C3orf20: variants seen among roughly 807,000 people sequenced by gnomAD.
C3orf20 encodes the protein uncharacterized protein C3orf20.
C3orf20 carries 76 observed loss-of-function variants against 88.3 expected under a neutral mutation model. That is an observed-to-expected ratio of 0.86 (90% confidence interval 0.72 to 1.04). The LOEUF (loss-of-function observed/expected upper bound fraction) is 1.04, where lower values mean the gene tolerates loss of function less well. Ranked by LOEUF, C3orf20 falls within the 50% of genes least tolerant of loss-of-function variation. The probability of loss-of-function intolerance (pLI) is 0.00; values close to 1 mark genes in which losing one functional copy is unlikely to be tolerated. For missense variants in C3orf20, 1,056 were observed against 1,123.3 expected (o/e 0.94, Z 0.86); for synonymous variants, 436 against 437.4 (o/e 1.00, Z 0.04).
rs56242160 is a variant in C3orf20 at position 14,756,028 on chromosome 3, C to CA, written c.1941-1324dup. On this transcript the variant is annotated intron_variant, in intron 12 of 16. Transcript: ENST00000253697. ...TGGGTGACAGAGCGAGACTCCATCT[C>CA]AAAAAAAAAAAAAAAAAAAGAAAAA... Among the ~76,000 whole-genome samples the CA allele has an allele frequency of 2.3e-3, 170 of 72,652 alleles. 1 individual carries two copies. The highest frequency in any genetic ancestry group is 2.4e-3 in the East Asian group (6 of 2,496). 47.7% of individuals were successfully genotyped at this position (72,652 alleles called of 152,430 possible).
intron 12 of C3orf20, among the ~76,000 whole-genome samples, chr3:14,739,775 G>T (rs887101983): frequency 9.9e-5 from 15 of 152,196 alleles, no homozygotes; most frequent in Non-Finnish European, 2.1e-4. Flanking sequence ...TTCTTAATCA[G>T]CACTTGCTGC....
At chr3:14,733,265 A>G (rs2034597641) in intron 12 of C3orf20, among the ~76,000 whole-genome samples, 1 of 152,160 alleles carries the variant, frequency 6.6e-6, no homozygotes, top group Non-Finnish European at 1.5e-5. Context: ...GGTGAATTAT[A>G]TAGATATTAA....
Position 14,690,079 on chromosome 3 carries a change from T to C in C3orf20, c.708T>C (p.Phe236=), listed in dbSNP as rs115653711. The change falls in exon 5 of 17, where the codon TTT becomes TTC. Residue 236 remains phenylalanine (F), a synonymous_variant. Coordinates refer to ENST00000253697, the MANE Select transcript of C3orf20 (RefSeq NM_032137.5). The part of the protein sequence containing the change: ...IYHSSTACLS[F]SLSAGKEAKK... Reference sequence around the variant, plus strand: ...ACTCTTCCACAGCCTGTCTGAGCTTTTCTCTCTCTGCTGGAAAAGAAGCCA... The same window carrying C: ...ACTCTTCCACAGCCTGTCTGAGCTTCTCTCTCTCTGCTGGAAAAGAAGCCA... The C allele has an allele frequency of 1.9e-4, 302 of 1,614,234 alleles. 1 individual carries two copies. The African/African-American group carries it at 3.7e-3, about 20-fold the overall frequency.
At chr3:14,761,385 A>T in intron 14 of C3orf20, 88 bp from the exon 15 acceptor site, 2 of 1,484,908 alleles carry the variant, frequency 1.3e-6, no homozygotes, top group Non-Finnish European at 1.9e-6. Context: ...GCGCTGTTCT[A>T]GTGAAATTCC....
chr3:14,712,485 C>T (rs2033790430), intron 7 of C3orf20, among the ~76,000 whole-genome samples: 1 of 152,166 alleles, frequency 6.6e-6, no homozygotes, highest in Admixed American at 6.5e-5. Context: ...CTGTGTATTA[C>T]AGTTAACACA....
chr3:14,702,805 A>G (rs887300901), intron 5 of C3orf20, among the ~76,000 whole-genome samples: 25 of 152,154 alleles, frequency 1.6e-4, no homozygotes, highest in African/African-American at 4.6e-4. Context: ...AACTCATTTC[A>G]CCATTAACCC....
intron 1 of C3orf20, among the ~76,000 whole-genome samples, chr3:14,681,080 G>A (rs892602318): frequency 6.6e-6 from 1 of 152,256 alleles, no homozygotes; most frequent in Non-Finnish European, 1.5e-5. Context: ...ATGGACAGAG[G>A]CAGGTCAGAG....
At chr3:14,699,150 T>G (rs2033138558) in intron 5 of C3orf20, among the ~76,000 whole-genome samples, 1 of 152,124 alleles carries the variant, frequency 6.6e-6, no homozygotes, top group African/African-American at 2.4e-5. Context: ...TTCAGGGCAG[T>G]GGGCTCCCCT....
chr3:14,769,057 C>T (rs1279962827), intron 15 of C3orf20, among the ~76,000 whole-genome samples: 2 of 152,088 alleles, frequency 1.3e-5, no homozygotes, highest in African/African-American at 4.8e-5. Flanking sequence ...TTCGTTCATT[C>T]ACTCACTCAT....
At chr3:14,686,486 G>C (rs1424064187) in intron 4 of C3orf20, among the ~76,000 whole-genome samples, 1 of 152,138 alleles carries the variant, frequency 6.6e-6, no homozygotes, top group African/African-American at 2.4e-5. Flanking sequence ...CCACACTGTT[G>C]CCAGCACTTG....
At chr3:14,695,391 G>T (rs1292516281) in intron 5 of C3orf20, among the ~76,000 whole-genome samples, 1 of 151,722 alleles carries the variant, frequency 6.6e-6, no homozygotes, top group Non-Finnish European at 1.5e-5. Flanking sequence ...AATGTTTTAA[G>T]ACTTGTTTTG....
chr3:14,704,750 A>G (rs959002561), intron 7 of C3orf20, 132 bp downstream of exon 7: 1 of 1,086,980 alleles, frequency 9.2e-7, no homozygotes, highest in East Asian at 2.4e-5. Context: ...TCTCCTGGGT[A>G]TTAAGAGCTT....
At chr3:14,746,972 A>G (rs1372273091) in intron 12 of C3orf20, among the ~76,000 whole-genome samples, 1 of 152,226 alleles carries the variant, frequency 6.6e-6, no homozygotes, top group African/African-American at 2.4e-5. Flanking sequence ...TAAACAAATC[A>G]AAGGACAATG....
intron 3 of C3orf20, 131 bp from the exon 4 acceptor site, chr3:14,684,111 C>G: frequency 8.0e-7 from 1 of 1,252,966 alleles, no homozygotes; most frequent in East Asian, 2.4e-5. Context: ...CAGTAGCCCC[C>G]TCACCCCTGC....
intron 5 of C3orf20, among the ~76,000 whole-genome samples, chr3:14,694,173 T>C (rs1032756801): frequency 6.6e-6 from 1 of 152,200 alleles, no homozygotes; most frequent in Non-Finnish European, 1.5e-5. Context: ...TGTGTCTTTG[T>C]CTGGTTTTGG....
intron 1 of C3orf20, among the ~76,000 whole-genome samples, chr3:14,678,963 A>G (rs1298125673): frequency 6.6e-6 from 1 of 152,208 alleles, no homozygotes; most frequent in Non-Finnish European, 1.5e-5. Flanking sequence ...TCCCAGTTTC[A>G]TCTGCTGCTC....
At chr3:14,738,204 G>A (rs2034781297) in intron 12 of C3orf20, among the ~76,000 whole-genome samples, 1 of 121,040 alleles carries the variant, frequency 8.3e-6, no homozygotes, top group South Asian at 2.6e-4. Context: ...GTCTCACTCT[G>A]TCACCCAGGC....
At chr3:14,748,114 TG>T (rs1233678186) in intron 12 of C3orf20, among the ~76,000 whole-genome samples, 2 of 152,130 alleles carry the variant, frequency 1.3e-5, no homozygotes, top group South Asian at 2.1e-4. Flanking sequence ...AGGCTTTTCT[TG>T]GGGGGTTTTT....
intron 15 of C3orf20, among the ~76,000 whole-genome samples, chr3:14,771,442 G>A (rs1042903706): frequency 1.3e-5 from 2 of 152,258 alleles, no homozygotes; most frequent in African/African-American, 2.4e-5. Context: ...GCAGGGCCAC[G>A]CTCTTCCAGA....
Sources: gnomAD v4.1 joint callset for allele counts (sites outside exome capture counted in the v4.1 genomes callset) on GRCh38, gnomAD v4.1.1 for gene constraint, MANE v1.5 for transcripts, NCBI Gene and HGNC (gene_info 2026-07-23, HGNC 2026-07-21) for gene names.